Variants in SH3TC2 observed in about 807,000 individuals in gnomAD.
SH3TC2 encodes SH3 domain and tetratricopeptide repeats 2, also known as SH3 domain and tetratricopeptide repeat-containing protein 2.
SH3TC2 carries 87 observed loss-of-function variants against 124.5 expected under a neutral mutation model. The ratio of observed to expected loss-of-function variants is 0.70; its 90% confidence interval spans 0.59 to 0.84. SH3TC2 has a LOEUF of 0.84. SH3TC2 is among the 40% of genes least tolerant of loss of function. SH3TC2 has a pLI of 0.00. For synonymous variants in SH3TC2, 634 were observed against 628.5 expected (o/e 1.01, Z -0.13); for missense variants, 1,536 against 1,566.4 (o/e 0.98, Z 0.33).
At chr5:149,006,493 A>G (rs1024822780) in intron 16 of SH3TC2, among the ~76,000 whole-genome samples, 1 of 152,194 alleles carries the variant, frequency 6.6e-6, no homozygotes, top group Non-Finnish European at 1.5e-5. Context: ...ACTCTTAAGT[A>G]TTCATTTTGA....
rs886060128 is a variant in SH3TC2 at position 148,993,090 on chromosome 5, C to T, written c.*11621G>A. On this transcript the variant is annotated 3_prime_UTR_variant, in exon 17 of 17. Transcript: ENST00000515425. ...TGGCCTCACTCCTGGCTTCCATAGA[C>T]GCTTAAGGTGATTAGGCATTTGTCC... 7.2e-5 allele frequency among the ~76,000 whole-genome samples: 11 copies of T among 152,230 alleles called. No homozygotes were observed. The East Asian group carries it at 7.7e-4, about 11-fold the overall frequency.
rs530373993 is a variant in SH3TC2 at position 149,037,629 on chromosome 5, G to A, written c.1001+666C>T. Among the ~76,000 whole-genome samples the A allele has an allele frequency of 1.6e-4, 24 of 152,218 alleles. No homozygotes were observed. The South Asian group carries it at 4.8e-3, about 30-fold the overall frequency. On this transcript the variant is annotated intron_variant, in intron 8 of 16. Transcript: ENST00000515425. ...TTCCTCGTGTACTTCCTGCGCCCAG[G>A]CTTTCTACTGTTTCCTATCCCCACA...
chr5:148,985,743 A>C lies in SH3TC2; in HGVS notation c.*18968T>G, dbSNP rs1753322041. On this transcript the variant is annotated 3_prime_UTR_variant, in exon 17 of 17. Coordinates refer to ENST00000515425, the MANE Select transcript of SH3TC2 (RefSeq NM_024577.4). Reference sequence around the variant, plus strand: ...TACCTAGGAGTAGCAATTCTGGATCACTTTGTAAGTGTATGTTTAATTTAT... The same window carrying C: ...TACCTAGGAGTAGCAATTCTGGATCCCTTTGTAAGTGTATGTTTAATTTAT... 6.6e-6 allele frequency among the ~76,000 whole-genome samples: 1 copy of C among 152,202 alleles called. No individual in the cohort carries two copies. The highest frequency in any genetic ancestry group is 1.5e-5 in the Non-Finnish European group (1 of 68,020).
In SH3TC2 at chr5:148,998,686, T is replaced by C. The variant is rs895227207; in HGVS notation, c.*6025A>G. Among the ~76,000 whole-genome samples, 2 of 152,190 alleles carry C rather than the reference T, an allele frequency of 1.3e-5. No homozygotes were observed. The highest frequency in any genetic ancestry group is 2.4e-5 in the African/African-American group (1 of 41,456). On this transcript the variant is annotated 3_prime_UTR_variant, in exon 17 of 17. Coordinates refer to ENST00000515425, the MANE Select transcript of SH3TC2 (RefSeq NM_024577.4). Reference sequence around the variant, plus strand: ...GCAAGTTATTCTTGATCCTGCACCATGGCAGCTGGGGAGAATCCCCACCCC... The same window carrying C: ...GCAAGTTATTCTTGATCCTGCACCACGGCAGCTGGGGAGAATCCCCACCCC...
At chr5:149,008,748 CCCA>C in intron 15 of SH3TC2, 100 bp downstream of exon 15, 1 of 1,527,618 alleles carries the variant, frequency 6.5e-7, no homozygotes, top group Admixed American at 1.7e-5. Context: ...GGGATTTGAA[CCCA>C]CACAGTCTGA....
At chr5:149,041,664 G>A (rs767510092) in intron 5 of SH3TC2, 47 bp from the exon 6 acceptor site, 1 of 1,593,850 alleles carries the variant, frequency 6.3e-7, no homozygotes. Context: ...GTAGCAGGAA[G>A]TGAAAACGGA....
intron 8 of SH3TC2, among the ~76,000 whole-genome samples, chr5:149,032,055 C>T (rs1580904202): frequency 6.6e-6 from 1 of 152,120 alleles, no homozygotes; most frequent in East Asian, 1.9e-4. Context: ...GAATCAATTG[C>T]CCTAAATGGA....
chr5:148,993,505 C>T lies in SH3TC2; in HGVS notation c.*11206G>A, dbSNP rs544308808. Among the ~76,000 whole-genome samples the T allele has an allele frequency of 6.6e-6, 1 of 152,092 alleles. No individual in the cohort carries two copies. The highest frequency in any genetic ancestry group is 1.5e-5 in the Non-Finnish European group (1 of 68,010). ...TGAGTAAGCATTAATTAAGAAAATA[C>T]TTTCTTGATAAAAATTCAGCCATTA... On this transcript the variant is annotated 3_prime_UTR_variant, in exon 17 of 17. Coordinates refer to ENST00000515425, the MANE Select transcript of SH3TC2 (RefSeq NM_024577.4).
chr5:149,014,488 T>C (rs559632779), intron 12 of SH3TC2, among the ~76,000 whole-genome samples: 34 of 152,258 alleles, frequency 2.2e-4, no homozygotes, highest in African/African-American at 8.2e-4. Flanking sequence ...CAAGCATTGC[T>C]CTCAACTCCT....
In SH3TC2 at chr5:149,047,856, G is replaced by A; in HGVS notation, c.279+6C>T. On this transcript the variant is annotated splice_donor_region_variant and intron_variant, in intron 3 of 16. Transcript: ENST00000515425. ...CTCAGCATTCACCTGTTTCCTTCAT[G>A]CTCACCTTAAACAGCATGCGCACCT... 1 of 1,613,900 alleles carries A rather than the reference G, an allele frequency of 6.2e-7. No individual in the cohort carries two copies. Among genetic ancestry groups the A allele is most frequent in the Non-Finnish European group, 8.5e-7 (1 of 1,179,890 alleles).
intron 8 of SH3TC2, among the ~76,000 whole-genome samples, chr5:149,035,208 A>G (rs1280096692): frequency 6.6e-6 from 1 of 152,248 alleles, no homozygotes; most frequent in Non-Finnish European, 1.5e-5. Context: ...GAAGAATAAA[A>G]GAAGGAATGT....
chr5:149,030,412 T>G (rs2127398288), intron 9 of SH3TC2, among the ~76,000 whole-genome samples: 1 of 152,310 alleles, frequency 6.6e-6, no homozygotes, highest in Non-Finnish European at 1.5e-5. Context: ...GGGCCTCCTC[T>G]TACATCCTCC....
intron 12 of SH3TC2, among the ~76,000 whole-genome samples, chr5:149,015,758 A>G (rs1336707448): frequency 6.6e-6 from 1 of 152,098 alleles, no homozygotes; most frequent in Non-Finnish European, 1.5e-5. Flanking sequence ...CCCTGCCTGG[A>G]TGAGTCTGTC....
In SH3TC2 at chr5:149,027,183, C is replaced by T. The variant is rs749133472; in HGVS notation, c.2549G>A (p.Gly850Asp). 3.1e-6 allele frequency: 5 copies of T among 1,614,232 alleles called. No individual in the cohort carries two copies. In the South Asian group the frequency reaches 3.3e-5, roughly 11 times the overall value. Residue 850 changes from glycine (G) to aspartate (D), a missense_variant, in exon 11 of 17, where the codon GGC (glycine) becomes GAC (aspartate). By Grantham distance (94) the Gly-to-Asp change is moderately conservative. This residue lies in a region of SH3TC2 where 1,102 missense variants were observed against 1,098.6 expected (regional missense o/e 1.00). Coordinates refer to ENST00000515425, the MANE Select transcript of SH3TC2 (RefSeq NM_024577.4). ...GCTCTTGGCTGCCCTGTTCACCCGGCCTTCACCTTGGAGTGCAAGTCCCAG... is the reference window on the plus strand; with the variant it reads ...GCTCTTGGCTGCCCTGTTCACCCGGTCTTCACCTTGGAGTGCAAGTCCCAG... ...NLLGLALQGE[G>D]RVNRAAKSYL...
intron 7 of SH3TC2, among the ~76,000 whole-genome samples, chr5:149,038,781 A>T (rs1754324827): frequency 6.6e-6 from 1 of 152,254 alleles, no homozygotes; most frequent in Admixed American, 6.5e-5. Flanking sequence ...TGCCTTAAAA[A>T]TGAATAAACA....
chr5:149,004,813 G>C lies in SH3TC2; in HGVS notation c.3765C>G (p.Ser1255Arg), dbSNP rs772587051. 6.2e-7 allele frequency: 1 copy of C among 1,614,132 alleles called. No homozygotes were observed. ...GDEELQDTIR[S>R]RLDNICQSPL... The stretch of plus-strand genomic sequence containing the variant: ...GGCTCTGGCAGATGTTGTCCAGCCT[G>C]CTCCTAATGGTGTCCTGAAGCTCCT... The change falls in exon 17 of 17, where the codon AGC (serine) becomes AGG (arginine). Residue 1255 changes from serine to arginine, a missense_variant. This residue lies in a region of SH3TC2 where 426 missense variants were observed against 443.5 expected (regional missense o/e 0.96). Coordinates refer to ENST00000515425, the MANE Select transcript of SH3TC2 (RefSeq NM_024577.4).
chr5:148,993,498 GA>G lies in SH3TC2; in HGVS notation c.*11212del, dbSNP rs1365330089. On this transcript the variant is annotated 3_prime_UTR_variant, in exon 17 of 17. Coordinates refer to ENST00000515425, the MANE Select transcript of SH3TC2 (RefSeq NM_024577.4). ...AAATGATTGAGTAAGCATTAATTAAGAAAATACTTTCTTGATAAAAATTCAG... is the reference window on the plus strand; with the variant it reads ...AAATGATTGAGTAAGCATTAATTAAGAAATACTTTCTTGATAAAAATTCAG... 2.0e-5 allele frequency among the ~76,000 whole-genome samples: 3 copies of G among 152,136 alleles called. No homozygotes were observed. Among genetic ancestry groups the G allele is most frequent in the African/African-American group, 7.2e-5 (3 of 41,432 alleles).
intron 1 of SH3TC2, among the ~76,000 whole-genome samples, chr5:149,055,607 A>G (rs1247614491): frequency 6.6e-6 from 1 of 152,216 alleles, no homozygotes; most frequent in Non-Finnish European, 1.5e-5. Flanking sequence ...CTGAAGTTCT[A>G]TCCTTGGAAA....
At chr5:149,007,290 T>G in intron 15 of SH3TC2, 1 of 645,082 alleles carries the variant, frequency 1.6e-6, no homozygotes, top group Admixed American at 2.3e-5. Flanking sequence ...AAATGTAACA[T>G]TACACATGTC....
Sources: allele counts gnomAD v4.1 joint callset (sites outside exome capture counted in the v4.1 genomes callset), GRCh38; gene constraint gnomAD v4.1.1; regional missense constraint gnomAD v4.1.1; transcripts MANE v1.5; gene names NCBI Gene and HGNC (gene_info 2026-07-23, HGNC 2026-07-21).